Variants in XKR6 observed in about 807,000 individuals in gnomAD.
XKR6 encodes XK-related protein 6.
XKR6 carries 22 observed loss-of-function variants against 56.7 expected under a neutral mutation model. The observed-to-expected ratio is 0.39, with a 90% CI of 0.28 to 0.55. The LOEUF (loss-of-function observed/expected upper bound fraction) is 0.55, where lower values mean the gene tolerates loss of function less well. Ranked by LOEUF, XKR6 falls within the 20% of genes least tolerant of loss-of-function variation. The pLI is 0.66. For synonymous variants in XKR6, 524 were observed against 387.8 expected, an observed-to-expected ratio of 1.35 and a Z score of -4.13; for missense variants, 852 against 889.0, an observed-to-expected ratio of 0.96 and a Z score of 0.53.
At chr8:10,970,308 C>T (rs961092800) in intron 1 of XKR6, among the ~76,000 whole-genome samples, 1 of 152,208 alleles carries the variant, frequency 6.6e-6, no homozygotes, top group African/African-American at 2.4e-5. Flanking sequence ...GAGGTCGCGA[C>T]AGCCCTCTGC....
At chr8:11,062,195 C>A (rs1799852061) in intron 1 of XKR6, among the ~76,000 whole-genome samples, 2 of 152,126 alleles carry the variant, frequency 1.3e-5, no homozygotes, top group African/African-American at 4.8e-5. Context: ...CTGGGCTAGT[C>A]CGTGCCCAGG....
At chr8:11,149,627 C>A (rs1461203389) in intron 1 of XKR6, among the ~76,000 whole-genome samples, 1 of 151,494 alleles carries the variant, frequency 6.6e-6, no homozygotes, top group Non-Finnish European at 1.5e-5. Context: ...AAAAAAAAGA[C>A]CCACTGTTAC....
At chr8:11,186,762 T>C (rs1301521541) in intron 1 of XKR6, among the ~76,000 whole-genome samples, 2 of 152,192 alleles carry the variant, frequency 1.3e-5, no homozygotes, top group Non-Finnish European at 2.9e-5. Context: ...TGTTGAGCCC[T>C]GAGGATGTCG....
chr8:10,949,877 A>G (rs1216093213), intron 1 of XKR6, among the ~76,000 whole-genome samples: 2 of 152,138 alleles, frequency 1.3e-5, no homozygotes, highest in Admixed American at 6.5e-5. Context: ...GCCCACTTCC[A>G]CAGGCCAGGA....
intron 1 of XKR6, among the ~76,000 whole-genome samples, chr8:11,060,454 G>T (rs573778301): frequency 1.1e-4 from 16 of 152,296 alleles, no homozygotes; most frequent in African/African-American, 2.6e-4. Flanking sequence ...CACCCGCCGG[G>T]AACTAGGGGT....
intron 1 of XKR6, among the ~76,000 whole-genome samples, chr8:11,133,280 G>A (rs188337026): frequency 2.6e-5 from 4 of 152,184 alleles, no homozygotes; most frequent in East Asian, 1.9e-4. Flanking sequence ...AAAATACGGC[G>A]TCAGCTTCAC....
intron 2 of XKR6, among the ~76,000 whole-genome samples, chr8:10,916,110 C>T (rs1437636690): frequency 6.6e-6 from 1 of 152,230 alleles, no homozygotes; most frequent in Non-Finnish European, 1.5e-5. Flanking sequence ...GGGCTCTGCT[C>T]AATTTGGGGT....
At chr8:11,098,300 C>G (rs2129175111) in intron 1 of XKR6, among the ~76,000 whole-genome samples, 1 of 152,212 alleles carries the variant, frequency 6.6e-6, no homozygotes, top group Middle Eastern at 3.4e-3. Context: ...CGCACACACA[C>G]ACAAAGTTTG....
intron 1 of XKR6, among the ~76,000 whole-genome samples, chr8:11,120,767 C>T (rs1446135560): frequency 6.6e-6 from 1 of 152,178 alleles, no homozygotes; most frequent in African/African-American, 2.4e-5. Flanking sequence ...GGAGGTATCA[C>T]ACTACCTGAC....
chr8:10,901,276 G>A (rs1325237973), intron 2 of XKR6, among the ~76,000 whole-genome samples: 1 of 151,988 alleles, frequency 6.6e-6, no homozygotes, highest in African/African-American at 2.4e-5. Flanking sequence ...GGCTGGTCTT[G>A]AACTCCTGAC....
At chr8:11,019,051 CCTT>C (rs1375513810) in intron 1 of XKR6, among the ~76,000 whole-genome samples, 1 of 152,192 alleles carries the variant, frequency 6.6e-6, no homozygotes, top group Non-Finnish European at 1.5e-5. Flanking sequence ...AAATTTCACT[CCTT>C]CTTCCTGGTG....
intron 1 of XKR6, among the ~76,000 whole-genome samples, chr8:11,193,117 T>C (rs2117136974): frequency 6.6e-6 from 1 of 152,190 alleles, no homozygotes; most frequent in East Asian, 1.9e-4. Flanking sequence ...TCCAAGAGGG[T>C]GGTGAAGAAA....
intron 1 of XKR6, among the ~76,000 whole-genome samples, chr8:11,156,455 C>G (rs1309917956): frequency 2.0e-5 from 3 of 152,188 alleles, no homozygotes; most frequent in African/African-American, 7.2e-5. Flanking sequence ...GCAGACATTA[C>G]ATTAACTGAA....
intron 1 of XKR6, among the ~76,000 whole-genome samples, chr8:11,103,417 A>G (rs1798559769): frequency 6.6e-6 from 1 of 152,206 alleles, no homozygotes; most frequent in South Asian, 2.1e-4. Context: ...AGACAGTCTG[A>G]GCTGTCCCAG....
chr8:11,196,621 T>A (rs1013542538), intron 1 of XKR6, among the ~76,000 whole-genome samples: 3 of 152,250 alleles, frequency 2.0e-5, no homozygotes, highest in South Asian at 2.1e-4. Flanking sequence ...CCATCATATT[T>A]ATTAAGAACA....
intron 1 of XKR6, among the ~76,000 whole-genome samples, chr8:11,166,651 C>A (rs1025864536): frequency 2.6e-5 from 4 of 152,122 alleles, no homozygotes; most frequent in African/African-American, 9.7e-5. Context: ...TGGCTCACTG[C>A]AACCTCTGCC....
At chr8:10,966,723 G>A (rs1802235730) in intron 1 of XKR6, among the ~76,000 whole-genome samples, 1 of 152,216 alleles carries the variant, frequency 6.6e-6, no homozygotes, top group East Asian at 1.9e-4. Flanking sequence ...CAAGTTCTCA[G>A]ACCCTGCCCT....
chr8:11,107,244 G>C (rs1330080522), intron 1 of XKR6, among the ~76,000 whole-genome samples: 2 of 151,676 alleles, frequency 1.3e-5, no homozygotes, highest in Admixed American at 1.3e-4. Flanking sequence ...CCATCGCCTG[G>C]GATGAAGTGC....
At chr8:11,139,779 G>A (rs1422350899) in intron 1 of XKR6, among the ~76,000 whole-genome samples, 1 of 152,188 alleles carries the variant, frequency 6.6e-6, no homozygotes, top group Non-Finnish European at 1.5e-5. Context: ...TCCATGAGTT[G>A]AGGAAAACTA....
Sources: allele counts gnomAD v4.1 joint callset (sites outside exome capture counted in the v4.1 genomes callset), GRCh38; gene constraint gnomAD v4.1.1; transcripts MANE v1.5; gene names NCBI Gene and HGNC (gene_info 2026-07-23, HGNC 2026-07-21).